CCSAP: variants seen among roughly 807,000 people sequenced by gnomAD.
CCSAP encodes the protein centriole, cilia and spindle-associated protein.
In CCSAP, 17 loss-of-function variants were observed where a neutral mutation model predicts 25.9. That is an observed-to-expected ratio of 0.66 (90% confidence interval 0.45 to 0.99). The LOEUF (loss-of-function observed/expected upper bound fraction) is 0.99. Ranked by LOEUF, CCSAP falls within the 50% of genes least tolerant of loss-of-function variation. The pLI, the probability that CCSAP is intolerant of heterozygous loss-of-function variation, is 0.00. For missense variants in CCSAP, 339 were observed against 367.8 expected, an observed-to-expected ratio of 0.92 and a Z score of 0.64; for synonymous variants, 169 against 157.1, an observed-to-expected ratio of 1.08 and a Z score of -0.57.
rs775178028 is a variant in CCSAP at position 229,342,514 on chromosome 1, C to T, written c.-48-1G>A. The T allele has an allele frequency of 8.0e-6, 10 of 1,254,746 alleles. No individual in the cohort carries two copies. The highest frequency in any genetic ancestry group is 1.5e-5 in the African/African-American group (1 of 64,606). The allele number at this position is 1,254,746 out of a possible 1,614,324, so 77.7% of individuals were successfully genotyped here. A position where few individuals can be genotyped will look rare whatever the true frequency, so the allele number is the denominator to read the frequency against. On this transcript the variant is annotated splice_acceptor_variant, in intron 1 of 3. Coordinates refer to ENST00000284617, the MANE Select transcript of CCSAP (RefSeq NM_145257.5). LOFTEE classifies it low-confidence loss of function (5UTR_SPLICE). This position sits in a 1 kb window ranked among gnomAD's most constrained non-coding sequence, Gnocchi z 7.5. ...CCAGCCGCTCCTCGCTGCCCGCAGCCTACGGGACCCGGTACACGACACAGA... is the reference window on the plus strand; with the variant it reads ...CCAGCCGCTCCTCGCTGCCCGCAGCTTACGGGACCCGGTACACGACACAGA...
At chr1:229,332,387 G>A (rs554698529) in intron 2 of CCSAP, among the ~76,000 whole-genome samples, 19 of 151,804 alleles carry the variant, frequency 1.3e-4, no homozygotes, top group Non-Finnish European at 2.8e-4. Flanking sequence ...CTGATTGCTT[G>A]TTTGCTGGTG....
chr1:229,340,199 TATTTA>T (rs1233766284), intron 2 of CCSAP, among the ~76,000 whole-genome samples: 2 of 152,174 alleles, frequency 1.3e-5, no homozygotes, highest in African/African-American at 2.4e-5. Flanking sequence ...AAAACCAGGA[TATTTA>T]ATCTTGTGCA....
intron 2 of CCSAP, among the ~76,000 whole-genome samples, chr1:229,333,431 GAAAAAAAAA>G (rs368401348): frequency 4.3e-5 from 3 of 70,498 alleles, no homozygotes; most frequent in South Asian, 5.5e-4. Context: ...AGACTCCATC[GAAAAAAAAA>G]AAAAAAAAAA....
chr1:229,339,281 T>C (rs945773778), intron 2 of CCSAP, among the ~76,000 whole-genome samples: 5 of 151,938 alleles, frequency 3.3e-5, no homozygotes, highest in African/African-American at 9.7e-5. Context: ...GGGCAACACA[T>C]TACCTACAAA....
In CCSAP at chr1:229,321,254, A is replaced by G. The variant is rs1178244952; in HGVS notation, c.*3981T>C. 2.0e-5 allele frequency: 3 copies of G among 152,212 alleles called. No homozygotes were observed. Among genetic ancestry groups the G allele is most frequent in the Non-Finnish European group, 4.4e-5 (3 of 68,040 alleles). The allele number at this position is 152,212 out of a possible 1,614,324, so 9.4% of individuals were successfully genotyped here. A position where few individuals can be genotyped will look rare whatever the true frequency, so the allele number is the denominator to read the frequency against. ...AGTTTTGTTATTAGAAGAGAAATCC[A>G]AAAAGAGGCCTCTACTGCCTTCATT... is the stretch of plus-strand genomic sequence containing the variant. On this transcript the variant is annotated 3_prime_UTR_variant, in exon 4 of 4. Transcript: ENST00000284617.
chr1:229,339,095 G>GA (rs11328051), intron 2 of CCSAP, among the ~76,000 whole-genome samples: 2,504 of 134,666 alleles, frequency 0.019, 29 homozygotes, highest in Middle Eastern at 0.044. Flanking sequence ...AAAGAAATGG[G>GA]AAAAAAAAAA....
At chr1:229,327,119 G>T in intron 2 of CCSAP, 113 bp from the exon 3 acceptor site, 1 of 859,910 alleles carries the variant, frequency 1.2e-6, no homozygotes, top group Non-Finnish European at 1.7e-6. Flanking sequence ...TTCACTTATG[G>T]CTCAACTCAT....
chr1:229,332,202 A>C (rs1374952364), intron 2 of CCSAP, among the ~76,000 whole-genome samples: 3 of 152,136 alleles, frequency 2.0e-5, no homozygotes, highest in East Asian at 1.9e-4. Context: ...TCTATGAGCC[A>C]CTCCAGCAAA....
intron 2 of CCSAP, chr1:229,340,443 C>G (rs1658304839): frequency 2.8e-6 from 2 of 715,856 alleles, no homozygotes; most frequent in Admixed American, 2.0e-5. Context: ...ACAACGCTGC[C>G]TAAAAATTGT....
intron 2 of CCSAP, among the ~76,000 whole-genome samples, chr1:229,331,783 T>C (rs546323475): frequency 7.2e-6 from 1 of 139,232 alleles, no homozygotes; most frequent in South Asian, 2.3e-4. Context: ...CTTTCTAATA[T>C]CCTTTTATTA....
intron 2 of CCSAP, among the ~76,000 whole-genome samples, chr1:229,329,819 T>C (rs760424767): frequency 2.6e-5 from 4 of 152,142 alleles, no homozygotes; most frequent in Non-Finnish European, 4.4e-5. Context: ...GGTAAAGCCC[T>C]GTCTCTACTA....
intron 2 of CCSAP, among the ~76,000 whole-genome samples, chr1:229,334,233 C>T (rs1481195627): frequency 6.6e-6 from 1 of 152,114 alleles, no homozygotes. Flanking sequence ...ACCACACCCA[C>T]CTAATTTTTG....
rs114359554 is a variant in CCSAP, at chr1:229,335,928, T to A, written c.367+6171A>T. Among the ~76,000 whole-genome samples the A allele has an allele frequency of 6.1e-3, 917 of 151,492 alleles. 16 individuals carry two copies. Among genetic ancestry groups the A allele is most frequent in the African/African-American group, 0.022 (889 of 41,228 alleles). On this transcript the variant is annotated intron_variant, in intron 2 of 3. Coordinates refer to ENST00000284617, the MANE Select transcript of CCSAP (RefSeq NM_145257.5). ...ATGAATTGAAAATATTCGGGAAAAA[T>A]AAATAAAAAATAATACAACAATAAA...
intron 2 of CCSAP, among the ~76,000 whole-genome samples, chr1:229,337,944 A>G (rs1248407685): frequency 6.6e-6 from 1 of 151,816 alleles, no homozygotes; most frequent in Non-Finnish European, 1.5e-5. Flanking sequence ...CAAAAACAAA[A>G]TAAGCAAACA....
At chr1:229,333,395 T>C (rs12142413) in intron 2 of CCSAP, among the ~76,000 whole-genome samples, 40,272 of 140,986 alleles carry the variant, frequency 0.29, 5,533 homozygotes, top group Admixed American at 0.33. Flanking sequence ...ATCGCGCCAC[T>C]GCACTCCAGC....
chr1:229,330,793 C>CG (rs1385163426), intron 2 of CCSAP, among the ~76,000 whole-genome samples: 1 of 148,116 alleles, frequency 6.8e-6, no homozygotes, highest in Non-Finnish European at 1.5e-5. Flanking sequence ...TGCAGTGAGC[C>CG]GAGATCGTGC....
At chr1:229,325,517 CAG>C in intron 3 of CCSAP, 106 bp from the exon 4 acceptor site, 1 of 988,936 alleles carries the variant, frequency 1.0e-6, no homozygotes, top group Non-Finnish European at 1.5e-6. Context: ...TGCAGCAGGG[CAG>C]AGTCAAGCCC....
At chr1:229,340,929 C>T (rs1571858637) in intron 2 of CCSAP, among the ~76,000 whole-genome samples, 2 of 152,312 alleles carry the variant, frequency 1.3e-5, no homozygotes, top group Middle Eastern at 6.8e-3. Flanking sequence ...GGCATGGTGG[C>T]TCACTCCTGT....
At chr1:229,330,594 G>A (rs943812037) in intron 2 of CCSAP, among the ~76,000 whole-genome samples, 2 of 152,216 alleles carry the variant, frequency 1.3e-5, no homozygotes, top group African/African-American at 4.8e-5. Context: ...TATAATCCCA[G>A]CACTTTGGGA....
Sources: allele counts gnomAD v4.1 joint callset (sites outside exome capture counted in the v4.1 genomes callset), GRCh38; gene constraint gnomAD v4.1.1; non-coding constraint Gnocchi (gnomAD v3.1); transcripts MANE v1.5; gene names NCBI Gene and HGNC (gene_info 2026-07-23, HGNC 2026-07-21).